CABIN1: variants seen among roughly 807,000 people sequenced by gnomAD.
CABIN1 encodes calcineurin binding protein 1.
A neutral mutation model predicts 227.7 loss-of-function variants in CABIN1; 133 were observed. That is an observed-to-expected ratio of 0.58 (90% confidence interval 0.51 to 0.67). The LOEUF is 0.67. Ranked by LOEUF, CABIN1 falls within the 30% of genes least tolerant of loss-of-function variation. CABIN1 has a pLI of 0.00. For missense variants in CABIN1, 2,408 were observed against 2,852.5 expected (o/e 0.84, Z 3.55); for synonymous variants, 1,086 against 1,155.1 (o/e 0.94, Z 1.21).
intron 15 of CABIN1, among the ~76,000 whole-genome samples, chr22:24,064,449 C>T (rs915365422): frequency 3.3e-5 from 5 of 151,542 alleles, no homozygotes; most frequent in Non-Finnish European, 5.9e-5. Context: ...TCAGGTGATC[C>T]ACCTGTCTTG....
chr22:24,066,185 A>G (rs2039665479), intron 15 of CABIN1, among the ~76,000 whole-genome samples: 1 of 152,178 alleles, frequency 6.6e-6, no homozygotes, highest in Non-Finnish European at 1.5e-5. Flanking sequence ...CTCTGTTGGG[A>G]AGACAGGAGA....
At chr22:24,170,807 C>T (rs1602489449) in intron 33 of CABIN1, among the ~76,000 whole-genome samples, 1 of 147,276 alleles carries the variant, frequency 6.8e-6, no homozygotes, top group African/African-American at 2.5e-5. Context: ...TGTGACTCTC[C>T]CACACTCGAG....
chr22:24,136,548 T>TTTA, intron 29 of CABIN1, among the ~76,000 whole-genome samples: 1 of 142,556 alleles, frequency 7.0e-6, no homozygotes, highest in African/African-American at 2.7e-5. Context: ...TTTTTTTTTT[T>TTTA]AGAGACAAGG....
rs1302638053 is a variant in CABIN1, at chr22:24,072,456, G to A, written c.2578G>A (p.Asp860Asn). ...ILHRIIWQEE[D>N]TFHSLCHQQQ... ...ACACCGGATCATCTGGCAGGAGGAA[G>A]ACACCTTCCATTCTCTGTGCCACCA... is the stretch of plus-strand genomic sequence containing the variant. Residue 860 changes from aspartate (D) to asparagine (N), a missense_variant, in exon 18 of 37, where the codon GAC becomes AAC. This residue lies in a region of CABIN1 where 1,045 missense variants were observed against 1,168.4 expected (regional missense o/e 0.89). Coordinates refer to ENST00000263119, the MANE Select transcript of CABIN1 (RefSeq NM_012295.4). The A allele has an allele frequency of 6.2e-7, 1 of 1,614,114 alleles. No individual in the cohort carries two copies. Among genetic ancestry groups the A allele is most frequent in the Non-Finnish European group, 8.5e-7 (1 of 1,180,052 alleles).
At chr22:24,026,094 C>T (rs577386512) in intron 1 of CABIN1, among the ~76,000 whole-genome samples, 2 of 152,304 alleles carry the variant, frequency 1.3e-5, no homozygotes, top group African/African-American at 4.8e-5. Context: ...ATCTCTGTCT[C>T]CCAAAGTGCT....
chr22:24,045,659 GCC>G (rs2037818485), intron 6 of CABIN1, among the ~76,000 whole-genome samples: 1 of 152,052 alleles, frequency 6.6e-6, no homozygotes, highest in African/African-American at 2.4e-5. Flanking sequence ...TACAACAGCA[GCC>G]CACTTGTTGG....
At chr22:24,024,174 T>C (rs1020572368) in intron 1 of CABIN1, among the ~76,000 whole-genome samples, 1 of 152,224 alleles carries the variant, frequency 6.6e-6, no homozygotes, top group African/African-American at 2.4e-5. Context: ...TTTTCACTTT[T>C]TGATAGTGTC....
rs2047232692 is a variant in CABIN1 at position 24,178,334 on chromosome 22, T to A, written c.*138T>A. 2 of 1,058,180 alleles carry A rather than the reference T, an allele frequency of 1.9e-6. No homozygotes were observed. Among genetic ancestry groups the A allele is most frequent in the East Asian group, 5.2e-5 (2 of 38,524 alleles). 65.5% of individuals were successfully genotyped at this position (1,058,180 alleles called of 1,614,324 possible). On this transcript the variant is annotated 3_prime_UTR_variant, in exon 37 of 37. Transcript: ENST00000263119. ...AGCCCCCAGGCCTGCCCAGCCCACCTCCTCATGGCATCCTCCCTGTACCCA... is the reference window on the plus strand; with the variant it reads ...AGCCCCCAGGCCTGCCCAGCCCACCACCTCATGGCATCCTCCCTGTACCCA...
At chr22:24,061,775 T>C (rs960026403) in intron 12 of CABIN1, among the ~76,000 whole-genome samples, 172 bp from the exon 13 acceptor site, 2 of 152,240 alleles carry the variant, frequency 1.3e-5, no homozygotes, top group Admixed American at 1.3e-4. Context: ...TGTGGCTCTT[T>C]TTATGTTCTG....
intron 4 of CABIN1, among the ~76,000 whole-genome samples, chr22:24,039,497 C>T (rs2037195410): frequency 6.6e-6 from 1 of 152,174 alleles, no homozygotes; most frequent in African/African-American, 2.4e-5. Flanking sequence ...CTCCTCCTCT[C>T]CTGTTAGTAG....
At position 24,038,451 on chromosome 22, in the gene CABIN1, T is replaced by C. The variant is rs753971748; in HGVS notation, c.200T>C (p.Leu67Pro). ...TACCATGAGCTCTTGGAGGCGAGCC[T>C]GCTGCGGGAGGTGAGGCATCAGCAG... ...KAYHELLEAS[L>P]LREAVSSGDE... is the part of the protein sequence containing the mutation. The change falls in exon 4 of 37, where the codon CTG becomes CCG. Residue 67 changes from leucine to proline, a missense_variant. Leu to Pro is a moderately conservative substitution (Grantham distance 98). This residue lies in a region of CABIN1 where 1,045 missense variants were observed against 1,168.4 expected (regional missense o/e 0.89). Coordinates refer to ENST00000263119, the MANE Select transcript of CABIN1 (RefSeq NM_012295.4). 2 of 1,612,984 alleles carry C rather than the reference T, an allele frequency of 1.2e-6. No individual in the cohort carries two copies. The highest frequency in any genetic ancestry group is 1.7e-6 in the Non-Finnish European group (2 of 1,179,432).
intron 29 of CABIN1, among the ~76,000 whole-genome samples, chr22:24,147,446 T>C (rs1162863441): frequency 2.0e-5 from 3 of 149,766 alleles, no homozygotes; most frequent in Non-Finnish European, 4.4e-5. Context: ...CTTTTCTTTC[T>C]TTCTTTCTTT....
Position 24,113,716 on chromosome 22 carries a change from G to C in CABIN1, c.4268G>C (p.Gly1423Ala). The change falls in exon 27 of 37, where the codon GGT becomes GCT. Residue 1423 changes from glycine (G) to alanine (A), a missense_variant. Around this residue, in one of 3 missense-constraint regions of CABIN1, gnomAD observed 649 missense variants for 910.3 expected, o/e 0.71. Coordinates refer to ENST00000263119, the MANE Select transcript of CABIN1 (RefSeq NM_012295.4). ...CTCAGTTCCCAAGCAGGAGCGACGG[G>C]TAAAGATCTTCAGGGGGCCACAGAA... is the stretch of plus-strand genomic sequence containing the variant. ...PILSSQAGATGKDLQGATEER... is the reference protein window; with the variant it reads ...PILSSQAGATAKDLQGATEER... 1 of 1,613,920 alleles carries C rather than the reference G, an allele frequency of 6.2e-7. No homozygotes were observed. Among genetic ancestry groups the C allele is most frequent in the Non-Finnish European group, 8.5e-7 (1 of 1,180,026 alleles).
rs188565789 is a variant in CABIN1 at position 24,088,572 on chromosome 22, C to T, written c.3525+859C>T. On this transcript the variant is annotated intron_variant, in intron 23 of 36. Coordinates refer to ENST00000263119, the MANE Select transcript of CABIN1 (RefSeq NM_012295.4). ...GCAGGGAGCTGAGATCATGCCATTG[C>T]GCTCCAGCCTGGGCGACAGAGTGAG... Among the ~76,000 whole-genome samples the T allele has an allele frequency of 3.4e-3, 518 of 151,912 alleles. 1 individual carries two copies. The highest frequency in any genetic ancestry group is 0.011 in the African/African-American group (449 of 41,398).
At chr22:24,154,227 G>A (rs553361032) in intron 29 of CABIN1, among the ~76,000 whole-genome samples, 1 of 152,296 alleles carries the variant, frequency 6.6e-6, no homozygotes, top group African/African-American at 2.4e-5. Context: ...AGTAGATAAG[G>A]TATGAAGTAA....
intron 20 of CABIN1, among the ~76,000 whole-genome samples, chr22:24,083,681 T>C (rs891333320): frequency 1.3e-5 from 2 of 152,186 alleles, no homozygotes. Flanking sequence ...GAGGGTTACT[T>C]GAGGCCAGAA....
At chr22:24,167,593 G>A (rs1374495771) in intron 32 of CABIN1, among the ~76,000 whole-genome samples, 1 of 152,206 alleles carries the variant, frequency 6.6e-6, no homozygotes, top group African/African-American at 2.4e-5. Flanking sequence ...TACATCTTAG[G>A]GCATTTCCTT....
intron 34 of CABIN1, among the ~76,000 whole-genome samples, chr22:24,174,046 T>A (rs978696431): frequency 6.6e-6 from 1 of 151,772 alleles, no homozygotes; most frequent in Non-Finnish European, 1.5e-5. Context: ...GGTTTCCCCA[T>A]GTTGGCCAAG....
rs1472413053 is a variant in CABIN1 at position 24,176,199 on chromosome 22, A to G, written c.6129A>G (p.Thr2043=). 6.2e-7 allele frequency: 1 copy of G among 1,611,094 alleles called. No individual in the cohort carries two copies. The highest frequency in any genetic ancestry group is 1.1e-5 in the South Asian group (1 of 90,638). ...RHSPQVKMAP[T]SSPAEPHCWP... ...GTCCGCAGGTGAAGATGGCCCCCAC[A>G]AGTTCCCCGGCAGAGCCACACTGCT... Residue 2043 remains threonine, a synonymous_variant, in exon 35 of 37, where the codon ACA becomes ACG. Coordinates refer to ENST00000263119, the MANE Select transcript of CABIN1 (RefSeq NM_012295.4).
Sources: allele counts gnomAD v4.1 joint callset (sites outside exome capture counted in the v4.1 genomes callset), GRCh38; gene constraint gnomAD v4.1.1; regional missense constraint gnomAD v4.1.1; transcripts MANE v1.5; gene names NCBI Gene and HGNC (gene_info 2026-07-23, HGNC 2026-07-21).